The following PIK3R3 variants were observed in gnomAD, a reference collection of about 807,000 sequenced individuals.
The protein encoded by PIK3R3 is phosphatidylinositol 3-kinase regulatory subunit gamma.
In PIK3R3, 64 loss-of-function variants were observed where a neutral mutation model predicts 62.9. The observed-to-expected ratio is 1.02, with a 90% CI of 0.83 to 1.25. The LOEUF (loss-of-function observed/expected upper bound fraction) is 1.25, where lower values mean the gene tolerates loss of function less well. Among genes scored for constraint, PIK3R3 ranks in the 50% most tolerant of loss-of-function variants. The pLI is 0.00. For synonymous variants in PIK3R3, 165 were observed against 189.0 expected, an observed-to-expected ratio of 0.87 and a Z score of 1.04; for missense variants, 614 against 561.6, an observed-to-expected ratio of 1.09 and a Z score of -0.94.
intron 1 of PIK3R3, among the ~76,000 whole-genome samples, chr1:46,095,998 G>T (rs1652085251): frequency 6.6e-6 from 1 of 152,104 alleles, no homozygotes; most frequent in Non-Finnish European, 1.5e-5. Context: ...TACCCAGGAT[G>T]GTATTGAACT....
chr1:46,167,490 A>T, the PIK3R3 span, among the ~76,000 whole-genome samples: 2 of 152,024 alleles, frequency 1.3e-5, no homozygotes, highest in African/African-American at 4.8e-5. Context: ...TCGTGGAGGG[A>T]GATAAGGGTA....
At chr1:46,173,948 T>G in the PIK3R3 span, among the ~76,000 whole-genome samples, 1 of 151,818 alleles carries the variant, frequency 6.6e-6, no homozygotes, top group Non-Finnish European at 1.5e-5. Context: ...GTCTGGTGAG[T>G]GTGTCTGCAT....
intron 1 of PIK3R3, among the ~76,000 whole-genome samples, chr1:46,089,443 T>C (rs777530662): frequency 1.9e-4 from 29 of 152,078 alleles, no homozygotes; most frequent in Non-Finnish European, 3.5e-4. Context: ...AGGCCAGGTG[T>C]GGTGGCTCAC....
At chr1:46,061,905 C>T (rs1648525077) in intron 6 of PIK3R3, 24 bp downstream of exon 6, 1 of 1,605,070 alleles carries the variant, frequency 6.2e-7, no homozygotes, top group African/African-American at 1.3e-5. Flanking sequence ...CACTGATGCC[C>T]TTGGAGGTAC....
the PIK3R3 span, among the ~76,000 whole-genome samples, chr1:46,143,368 A>C: frequency 3.3e-5 from 5 of 152,268 alleles, no homozygotes; most frequent in South Asian, 1.0e-3. Flanking sequence ...TTTATGGGTT[A>C]CATGTGATTT....
chr1:46,050,921 T>C (rs570765115), intron 7 of PIK3R3, among the ~76,000 whole-genome samples: 11 of 152,324 alleles, frequency 7.2e-5, no homozygotes, highest in Middle Eastern at 3.4e-3. Flanking sequence ...GAAAACACCA[T>C]GCTAAGTGAA....
the PIK3R3 span, among the ~76,000 whole-genome samples, chr1:46,170,032 G>A: frequency 6.6e-6 from 1 of 152,110 alleles, no homozygotes; most frequent in Non-Finnish European, 1.5e-5. Context: ...CCACCACATG[G>A]AGTGGCTTCG....
intron 8 of PIK3R3, among the ~76,000 whole-genome samples, 169 bp from the exon 9 acceptor site, chr1:46,046,257 T>A (rs1411504634): frequency 1.3e-5 from 2 of 152,186 alleles, no homozygotes; most frequent in Admixed American, 6.5e-5. Context: ...AAAGAATTCA[T>A]GTTTCATCCA....
chr1:46,113,855 T>A (rs773896555), intron 1 of PIK3R3, among the ~76,000 whole-genome samples: 20 of 152,196 alleles, frequency 1.3e-4, no homozygotes, highest in South Asian at 4.1e-4. Flanking sequence ...TATAATTTAA[T>A]GAGGACTAAA....
chr1:46,117,766 G>GAA (rs1553155549), intron 1 of PIK3R3, among the ~76,000 whole-genome samples: 1 of 150,432 alleles, frequency 6.6e-6, no homozygotes, highest in Non-Finnish European at 1.5e-5. Flanking sequence ...AAGAAAGAAA[G>GAA]AGAAAGAAAG....
In PIK3R3 at chr1:46,066,036, ACAACATAATATAC is replaced by A; in HGVS notation, c.621+5_621+17del. On this transcript the variant is annotated splice_donor_5th_base_variant and intron_variant, in intron 5 of 9. Coordinates refer to ENST00000262741, the MANE Select transcript of PIK3R3 (RefSeq NM_003629.4). Reference sequence around the variant, plus strand: ...AACATTGCACACATATTAGTCAAAAACAACATAATATACCAACCTGGGATGTTCTAGTATATTC... The same window carrying A: ...AACATTGCACACATATTAGTCAAAAACAACCTGGGATGTTCTAGTATATTC... The A allele has an allele frequency of 6.2e-7, 1 of 1,603,388 alleles. No homozygotes were observed. Among genetic ancestry groups the A allele is most frequent in the Non-Finnish European group, 8.5e-7 (1 of 1,171,116 alleles).
intron 1 of PIK3R3, among the ~76,000 whole-genome samples, chr1:46,131,155 T>C (rs1444090074): frequency 1.3e-5 from 2 of 152,144 alleles, no homozygotes; most frequent in Non-Finnish European, 2.9e-5. Context: ...TTAAACCCTA[T>C]CCCATAAATT....
At chr1:46,164,692 C>T in the PIK3R3 span, among the ~76,000 whole-genome samples, 1 of 152,136 alleles carries the variant, frequency 6.6e-6, no homozygotes, top group African/African-American at 2.4e-5. Context: ...CAGTCTGGTC[C>T]CTGCTTACCT....
intron 3 of PIK3R3, among the ~76,000 whole-genome samples, chr1:46,073,957 T>C (rs1462451403): frequency 6.7e-6 from 1 of 149,584 alleles, no homozygotes; most frequent in Non-Finnish European, 1.5e-5. Context: ...TCTAACTCCC[T>C]GAGCCACAAT....
At chr1:46,047,646 C>A (rs1350082631) in intron 7 of PIK3R3, among the ~76,000 whole-genome samples, 1 of 152,184 alleles carries the variant, frequency 6.6e-6, no homozygotes, top group Non-Finnish European at 1.5e-5. Flanking sequence ...TCATCAACAC[C>A]ATCCCCTCAG....
Position 46,042,411 on chromosome 1 carries a change from AG to A in PIK3R3, c.*1261del. ...CTAAGCCATCTTCTCTCCCTGCAAA[AG>A]CTTCAGAAACCACTGTATGGAAGCA... On this transcript the variant is annotated 3_prime_UTR_variant, in exon 10 of 10. Coordinates refer to ENST00000262741, the MANE Select transcript of PIK3R3 (RefSeq NM_003629.4). This position sits in a 1 kb window ranked among gnomAD's most constrained non-coding sequence, Gnocchi z 4.3. The A allele has an allele frequency of 4.4e-6, 1 of 228,190 alleles. No individual in the cohort carries two copies. Among genetic ancestry groups the A allele is most frequent in the Middle Eastern group, 1.3e-3 (1 of 756 alleles). The allele number at this position is 228,190 out of a possible 1,614,324, so 14.1% of individuals were successfully genotyped here.
intron 3 of PIK3R3, among the ~76,000 whole-genome samples, chr1:46,071,079 C>T (rs933199023): frequency 2.0e-5 from 3 of 151,924 alleles, no homozygotes; most frequent in Admixed American, 2.0e-4. Flanking sequence ...AGACTCTGTC[C>T]CCTTCCTTTA....
chr1:46,081,458 A>G (rs1397653343), intron 1 of PIK3R3, among the ~76,000 whole-genome samples: 2 of 152,246 alleles, frequency 1.3e-5, no homozygotes, highest in African/African-American at 4.8e-5. Context: ...GAGCTTCGGC[A>G]TTAGATTCTC....
In PIK3R3 at chr1:46,132,612, T is replaced by C. The variant is rs1655723799; in HGVS notation, c.-660A>G. 3 of 1,289,452 alleles carry C rather than the reference T, an allele frequency of 2.3e-6. No individual in the cohort carries two copies. The highest frequency in any genetic ancestry group is 3.0e-6 in the Non-Finnish European group (3 of 988,702). 79.9% of individuals were successfully genotyped at this position (1,289,452 alleles called of 1,614,324 possible). ...TAAGAACCAACCCGACCGCACCAAC[T>C]GCCCTCAAGCTCTGCCCGGACTCCA... On this transcript the variant is annotated 5_prime_UTR_variant, in exon 1 of 10. Coordinates refer to ENST00000262741, the MANE Select transcript of PIK3R3 (RefSeq NM_003629.4).
Sources: gnomAD v4.1 joint callset for allele counts (sites outside exome capture counted in the v4.1 genomes callset) on GRCh38, gnomAD v4.1.1 for gene constraint, Gnocchi (gnomAD v3.1) non-coding constraint, MANE v1.5 for transcripts, NCBI Gene and HGNC (gene_info 2026-07-23, HGNC 2026-07-21) for gene names.